The following NDST4 variants were observed in gnomAD, a reference collection of about 807,000 sequenced individuals.
The protein encoded by NDST4 is N-deacetylase and N-sulfotransferase 4, also known as N-heparan sulfate sulfotransferase 4.
Under a neutral mutation model 100.8 loss-of-function variants are expected in NDST4, and 63 were observed. The ratio of observed to expected loss-of-function variants is 0.62; its 90% CI spans 0.51 to 0.77. The LOEUF (loss-of-function observed/expected upper bound fraction) is 0.77, where lower values mean the gene tolerates loss of function less well. Among genes scored for constraint, NDST4 ranks in the 30% least tolerant of loss-of-function variants. The pLI, the probability that NDST4 is intolerant of heterozygous loss-of-function variation, is 0.00. For synonymous variants in NDST4, 377 were observed against 361.8 expected (o/e 1.04, Z -0.48); for missense variants, 943 against 1,018.4 (o/e 0.93, Z 1.01).
chr4:114,940,636 GT>G (rs1399966551), intron 4 of NDST4, among the ~76,000 whole-genome samples: 1 of 152,162 alleles, frequency 6.6e-6, no homozygotes, highest in Non-Finnish European at 1.5e-5. Context: ...TGGATGGCTT[GT>G]TTAACAGCTC....
rs147878901 is a variant in NDST4, at chr4:115,039,006, G to T, written c.978+37053C>A. Among the ~76,000 whole-genome samples the T allele has an allele frequency of 8.5e-3, 1,289 of 152,158 alleles. 10 individuals carry two copies. Among genetic ancestry groups the T allele is most frequent in the African/African-American group, 0.018 (743 of 41,538 alleles). ...AAGAAAAAAAAAATTCTCAAAATAT[G>T]TTGTCAGCAGCATATCTCTCTGATT... On this transcript the variant is annotated intron_variant, in intron 2 of 13. Coordinates refer to ENST00000264363, the MANE Select transcript of NDST4 (RefSeq NM_022569.3).
chr4:115,024,605 A>T (rs1727940509), intron 2 of NDST4, among the ~76,000 whole-genome samples: 1 of 152,164 alleles, frequency 6.6e-6, no homozygotes, highest in South Asian at 2.1e-4. Context: ...GCTGGAGGAA[A>T]TTTGCCTCAG....
At chr4:114,909,669 C>CAAAAAAA (rs773267929) in intron 6 of NDST4, among the ~76,000 whole-genome samples, 2,649 of 61,508 alleles carry the variant, frequency 0.043, 273 homozygotes, top group African/African-American at 0.15. Context: ...GACTCCGTCT[C>CAAAAAAA]AAAAAAAAAA....
chr4:114,942,320 C>T (rs1281692296), intron 4 of NDST4, among the ~76,000 whole-genome samples: 2 of 152,042 alleles, frequency 1.3e-5, no homozygotes, highest in Non-Finnish European at 2.9e-5. Flanking sequence ...AACCTGGAGA[C>T]AATTGTGGAA....
intron 10 of NDST4, among the ~76,000 whole-genome samples, chr4:114,842,170 C>T (rs775781540): frequency 6.6e-6 from 1 of 152,106 alleles, no homozygotes; most frequent in Non-Finnish European, 1.5e-5. Flanking sequence ...TTGCTGTAGG[C>T]GAATTTACAT....
chr4:114,887,520 G>A (rs1218808659), intron 6 of NDST4, among the ~76,000 whole-genome samples: 2 of 152,164 alleles, frequency 1.3e-5, no homozygotes, highest in Non-Finnish European at 2.9e-5. Flanking sequence ...CTGACATTCA[G>A]CTGCAGCTAC....
intron 2 of NDST4, among the ~76,000 whole-genome samples, chr4:115,071,286 AC>A (rs1729072999): frequency 7.4e-6 from 1 of 135,638 alleles, no homozygotes; most frequent in African/African-American, 3.3e-5. Context: ...TCACACACAC[AC>A]ACACACACAC....
intron 4 of NDST4, among the ~76,000 whole-genome samples, chr4:114,966,123 G>A (rs1726376202): frequency 6.6e-6 from 1 of 151,960 alleles, no homozygotes; most frequent in African/African-American, 2.4e-5. Flanking sequence ...CTTGTCATTA[G>A]ACTAAGATCC....
At chr4:115,014,672 G>A (rs1727636575) in intron 2 of NDST4, among the ~76,000 whole-genome samples, 1 of 152,092 alleles carries the variant, frequency 6.6e-6, no homozygotes, top group South Asian at 2.1e-4. Flanking sequence ...GGTGCTTGGA[G>A]TATCGATGGC....
At chr4:114,951,603 T>A (rs942623753) in intron 4 of NDST4, among the ~76,000 whole-genome samples, 3 of 152,118 alleles carry the variant, frequency 2.0e-5, no homozygotes, top group Non-Finnish European at 4.4e-5. Context: ...CAATATCCAA[T>A]CCTCATAAAA....
chr4:115,084,431 A>C (rs1729367134), intron 1 of NDST4, among the ~76,000 whole-genome samples: 1 of 152,234 alleles, frequency 6.6e-6, no homozygotes, highest in Non-Finnish European at 1.5e-5. Context: ...ATAAGTAACA[A>C]GGAGCAGAAT....
intron 1 of NDST4, among the ~76,000 whole-genome samples, chr4:115,083,392 C>T (rs949819105): frequency 1.3e-5 from 2 of 152,048 alleles, no homozygotes; most frequent in Admixed American, 6.6e-5. Context: ...CCCAAGAGTT[C>T]AAGGTTGCAG....
chr4:114,878,902 C>T (rs1724310897), intron 6 of NDST4, among the ~76,000 whole-genome samples: 1 of 151,818 alleles, frequency 6.6e-6, no homozygotes, highest in African/African-American at 2.4e-5. Flanking sequence ...TCTGTATATA[C>T]CAAGGCCTAT....
intron 6 of NDST4, among the ~76,000 whole-genome samples, chr4:114,888,287 T>C (rs1724521629): frequency 6.6e-6 from 1 of 152,078 alleles, no homozygotes; most frequent in Non-Finnish European, 1.5e-5. Context: ...CTTCAAGAAC[T>C]CATCTTAGAA....
chr4:114,900,924 G>A (rs1241815592), intron 6 of NDST4, among the ~76,000 whole-genome samples: 1 of 151,900 alleles, frequency 6.6e-6, no homozygotes, highest in African/African-American at 2.4e-5. Flanking sequence ...GAAGTGTGTT[G>A]TTAATCTCCA....
chr4:115,011,117 G>C (rs1486534056), intron 2 of NDST4, among the ~76,000 whole-genome samples: 3 of 151,934 alleles, frequency 2.0e-5, no homozygotes, highest in Admixed American at 1.3e-4. Context: ...AAAGGAAATT[G>C]ATAGAAACAT....
At chr4:115,068,163 A>G (rs1172974810) in intron 2 of NDST4, among the ~76,000 whole-genome samples, 1 of 151,928 alleles carries the variant, frequency 6.6e-6, no homozygotes, top group Non-Finnish European at 1.5e-5. Context: ...TTAACTTATC[A>G]TCTTTGTTTT....
chr4:114,998,937 T>C (rs1395192602), intron 2 of NDST4, among the ~76,000 whole-genome samples: 1 of 151,968 alleles, frequency 6.6e-6, no homozygotes, highest in East Asian at 1.9e-4. Context: ...GGCCTAAACT[T>C]TGGGTCGAGT....
chr4:114,935,198 A>G lies in NDST4; in HGVS notation c.1536+8T>C, dbSNP rs1182078371. 1.9e-6 allele frequency: 3 copies of G among 1,594,382 alleles called. No individual in the cohort carries two copies. The highest frequency in any genetic ancestry group is 2.6e-6 in the Non-Finnish European group (3 of 1,171,888). On this transcript the variant is annotated splice_region_variant and intron_variant, in intron 6 of 13. Coordinates refer to ENST00000264363, the MANE Select transcript of NDST4 (RefSeq NM_022569.3). Reference sequence around the variant, plus strand: ...TCTTATTGTAAGGTGCATACATAGAATACATACTGGGTTTAGAAGGATTGT... The same window carrying G: ...TCTTATTGTAAGGTGCATACATAGAGTACATACTGGGTTTAGAAGGATTGT...
Sources: allele counts gnomAD v4.1 joint callset (sites outside exome capture counted in the v4.1 genomes callset), GRCh38; gene constraint gnomAD v4.1.1; transcripts MANE v1.5; gene names NCBI Gene and HGNC (gene_info 2026-07-23, HGNC 2026-07-21).